Variants in ME1 observed in about 807,000 individuals in gnomAD.
ME1 encodes NADP-dependent malic enzyme.
In ME1, 74 loss-of-function variants were observed where a neutral mutation model predicts 66.4. That is an observed-to-expected ratio of 1.11 (90% CI 0.92 to 1.35). The LOEUF (loss-of-function observed/expected upper bound fraction) is 1.35. Among genes scored for constraint, ME1 ranks in the 40% most tolerant of loss-of-function variants. ME1 has a pLI of 0.00. For synonymous variants in ME1, 251 were observed against 235.6 expected (o/e 1.07, Z -0.60); for missense variants, 750 against 694.1 (o/e 1.08, Z -0.90).
intron 5 of ME1, among the ~76,000 whole-genome samples, chr6:83,330,136 A>T (rs1238347616): frequency 1.3e-5 from 2 of 152,144 alleles, no homozygotes; most frequent in Non-Finnish European, 2.9e-5. Context: ...TCTCTTACTG[A>T]CCTGAAAGTA....
chr6:83,264,638 G>A (rs1466789534), intron 6 of ME1, among the ~76,000 whole-genome samples: 2 of 152,118 alleles, frequency 1.3e-5, no homozygotes, highest in African/African-American at 4.8e-5. Flanking sequence ...ACTTTGAGGG[G>A]TTCAAGATGT....
chr6:83,403,403 G>A lies in ME1; in HGVS notation c.212+4365C>T, dbSNP rs187955233. Among the ~76,000 whole-genome samples, 641 of 152,254 alleles carry A rather than the reference G, an allele frequency of 4.2e-3. 1 individual carries two copies. Among genetic ancestry groups the A allele is most frequent in the Non-Finnish European group, 7.3e-3 (495 of 67,988 alleles). On this transcript the variant is annotated intron_variant, in intron 2 of 13. Transcript: ENST00000369705. ...TGCCAGCAGATTCTGAGCCTGATAAGGACACATTCCACATAGACAGCACAT... is the reference window on the plus strand; with the variant it reads ...TGCCAGCAGATTCTGAGCCTGATAAAGACACATTCCACATAGACAGCACAT...
intron 1 of ME1, among the ~76,000 whole-genome samples, chr6:83,422,697 A>C (rs1438174877): frequency 1.3e-5 from 2 of 152,172 alleles, no homozygotes; most frequent in African/African-American, 4.8e-5. Context: ...AATTATAATA[A>C]AATATTCATT....
At chr6:83,306,157 A>G (rs1767820681) in intron 6 of ME1, among the ~76,000 whole-genome samples, 1 of 152,044 alleles carries the variant, frequency 6.6e-6, no homozygotes, top group South Asian at 2.1e-4. Context: ...TTTTTATGTT[A>G]CCAATGAGCG....
intron 9 of ME1, among the ~76,000 whole-genome samples, chr6:83,233,613 T>A (rs541212113): frequency 5.9e-4 from 90 of 152,204 alleles, no homozygotes; most frequent in African/African-American, 2.0e-3. Flanking sequence ...CAGTTCATGT[T>A]TGAGTTTTTG....
chr6:83,283,031 A>C (rs1406734366), intron 6 of ME1, among the ~76,000 whole-genome samples: 143 of 151,226 alleles, frequency 9.5e-4, no homozygotes, highest in African/African-American at 3.3e-3. Flanking sequence ...GATCGAGACC[A>C]TCCTGGCTAA....
At chr6:83,414,719 T>G (rs1031017904) in intron 1 of ME1, among the ~76,000 whole-genome samples, 8 of 152,206 alleles carry the variant, frequency 5.3e-5, no homozygotes, top group African/African-American at 1.9e-4. Context: ...TACTGATCGT[T>G]ATAGATTCTT....
At chr6:83,296,211 C>A (rs550787355) in intron 6 of ME1, among the ~76,000 whole-genome samples, 1 of 151,968 alleles carries the variant, frequency 6.6e-6, no homozygotes, top group Non-Finnish European at 1.5e-5. Context: ...ACAACAACAA[C>A]AAAAACTTCA....
rs138918145 is a variant in ME1, at chr6:83,407,793, C to T, written c.187G>A (p.Glu63Lys). ...IQVLRVVKNF[E>K]HLNSDFDRYL... ...CTGTCAAAGTCAGAGTTCAGATGCTCGAAATTTTTTACTACTCTAAGAACC... is the reference window on the plus strand; with the variant it reads ...CTGTCAAAGTCAGAGTTCAGATGCTTGAAATTTTTTACTACTCTAAGAACC... Residue 63 changes from glutamate to lysine, a missense_variant, in exon 2 of 14, where the codon GAG (glutamate) becomes AAG (lysine). Coordinates refer to ENST00000369705, the MANE Select transcript of ME1 (RefSeq NM_002395.6). 3.9e-5 allele frequency: 63 copies of T among 1,607,950 alleles called. No homozygotes were observed. The highest frequency in any genetic ancestry group is 2.2e-4 in the South Asian group (20 of 89,374).
intron 5 of ME1, among the ~76,000 whole-genome samples, chr6:83,326,417 G>A (rs924473592): frequency 1.4e-4 from 21 of 152,158 alleles, no homozygotes; most frequent in South Asian, 2.1e-4. Flanking sequence ...AAGAGCTTCT[G>A]CACAGCAAAG....
intron 3 of ME1, among the ~76,000 whole-genome samples, chr6:83,388,128 G>A (rs1303569067): frequency 7.5e-6 from 1 of 133,286 alleles, no homozygotes; most frequent in Non-Finnish European, 1.5e-5. Flanking sequence ...CTGTCCCACA[G>A]GCTAGAAAGA....
chr6:83,408,651 G>A (rs1390779100), intron 1 of ME1, among the ~76,000 whole-genome samples: 1 of 152,168 alleles, frequency 6.6e-6, no homozygotes, highest in Non-Finnish European at 1.5e-5. Flanking sequence ...AAACTAAATA[G>A]AAATTATGCA....
chr6:83,373,593 A>C, intron 3 of ME1, among the ~76,000 whole-genome samples: 1 of 152,206 alleles, frequency 6.6e-6, no homozygotes, highest in East Asian at 1.9e-4. Context: ...AATTTGTTAA[A>C]TTTATTTTAA....
intron 12 of ME1, among the ~76,000 whole-genome samples, chr6:83,222,445 A>T (rs1163274553): frequency 6.6e-6 from 1 of 152,174 alleles, no homozygotes; most frequent in African/African-American, 2.4e-5. Flanking sequence ...CAATGGAAAA[A>T]ATATTTGCAG....
chr6:83,379,583 A>C (rs1027948229), intron 3 of ME1, among the ~76,000 whole-genome samples: 2 of 152,062 alleles, frequency 1.3e-5, no homozygotes, highest in African/African-American at 4.8e-5. Context: ...AAATATCTTC[A>C]TTAATGATAT....
chr6:83,352,148 A>C lies in ME1; in HGVS notation c.363-9T>G. ...TAGTAATAAAGAGACCTCTGCAGAA[A>C]AAAAAAAAAAAAAAGGAGTAGTTTA... On this transcript the variant is annotated splice_polypyrimidine_tract_variant and intron_variant, in intron 3 of 13. Coordinates refer to ENST00000369705, the MANE Select transcript of ME1 (RefSeq NM_002395.6). The C allele has an allele frequency of 7.9e-7, 1 of 1,269,444 alleles. No individual in the cohort carries two copies. The highest frequency in any genetic ancestry group is 1.0e-6 in the Non-Finnish European group (1 of 954,426). The allele number at this position is 1,269,444 out of a possible 1,614,324, so 78.6% of individuals were successfully genotyped here.
chr6:83,400,325 G>A (rs763543121), intron 2 of ME1, among the ~76,000 whole-genome samples: 8 of 152,086 alleles, frequency 5.3e-5, no homozygotes, highest in Non-Finnish European at 1.2e-4. Flanking sequence ...TCTTGCTCCT[G>A]TTTCCACCAT....
In ME1 at chr6:83,407,790, G is replaced by A. The variant is rs1319935152; in HGVS notation, c.190C>T (p.His64Tyr). 2 of 1,608,180 alleles carry A rather than the reference G, an allele frequency of 1.2e-6. No homozygotes were observed. The highest frequency in any genetic ancestry group is 1.7e-6 in the Non-Finnish European group (2 of 1,178,498). ...QVLRVVKNFE[H>Y]LNSDFDRYLL... ...TACCTGTCAAAGTCAGAGTTCAGAT[G>A]CTCGAAATTTTTTACTACTCTAAGA... Residue 64 changes from histidine (H) to tyrosine (Y), a missense_variant, in exon 2 of 14, where the codon CAT becomes TAT. By Grantham distance (83) the His-to-Tyr change is moderately conservative. Transcript: ENST00000369705.
intron 6 of ME1, among the ~76,000 whole-genome samples, chr6:83,283,331 A>G (rs1385333100): frequency 3.3e-5 from 5 of 151,770 alleles, no homozygotes; most frequent in Non-Finnish European, 5.9e-5. Flanking sequence ...ACAGAAAACC[A>G]AACACTGCAT....
Sources: gnomAD v4.1 joint callset for allele counts (sites outside exome capture counted in the v4.1 genomes callset) on GRCh38, gnomAD v4.1.1 for gene constraint, MANE v1.5 for transcripts, NCBI Gene and HGNC (gene_info 2026-07-23, HGNC 2026-07-21) for gene names.